The following FBXO36 variants were observed in gnomAD, a reference collection of about 807,000 sequenced individuals.
FBXO36 encodes the protein F-box protein 36.
In FBXO36, 18 loss-of-function variants were observed where a neutral mutation model predicts 17.0. The observed-to-expected ratio is 1.06, with a 90% CI of 0.73 to 1.57. The LOEUF (loss-of-function observed/expected upper bound fraction) is 1.57. Among genes scored for constraint, FBXO36 ranks in the 40% most tolerant of loss-of-function variants. The pLI is 0.00. For synonymous variants in FBXO36, 83 were observed against 85.3 expected, an observed-to-expected ratio of 0.97 and a Z score of 0.15; for missense variants, 229 against 221.9, an observed-to-expected ratio of 1.03 and a Z score of -0.20.
At chr2:229,998,618 G>T (rs1264194294) in intron 3 of FBXO36, among the ~76,000 whole-genome samples, 1 of 140,136 alleles carries the variant, frequency 7.1e-6, no homozygotes, top group African/African-American at 2.6e-5. Flanking sequence ...GCGAAACTCA[G>T]TCTCAGAAAA....
chr2:229,951,372 T>A (rs138118799), intron 1 of FBXO36, among the ~76,000 whole-genome samples: 3,615 of 152,190 alleles, frequency 0.024, 78 homozygotes, highest in Non-Finnish European at 0.039. Context: ...GCCTCCCAAG[T>A]AGCTGGGATT....
chr2:229,931,604 G>A (rs1011103631), intron 1 of FBXO36, among the ~76,000 whole-genome samples: 33 of 152,280 alleles, frequency 2.2e-4, no homozygotes, highest in Admixed American at 2.0e-3. Flanking sequence ...ATTTTAGGAG[G>A]CCAAGGCAGG....
intron 1 of FBXO36, among the ~76,000 whole-genome samples, chr2:229,971,839 T>G (rs2077181865): frequency 6.6e-6 from 1 of 151,660 alleles, no homozygotes; most frequent in South Asian, 2.1e-4. Context: ...CCAACTAATT[T>G]TTTTTGTTTT....
chr2:229,940,494 G>A (rs776991241), intron 1 of FBXO36, among the ~76,000 whole-genome samples: 2 of 152,108 alleles, frequency 1.3e-5, no homozygotes, highest in Non-Finnish European at 2.9e-5. Flanking sequence ...GTTAGGGGCC[G>A]AATTATGTCT....
chr2:229,987,440 G>T (rs1042559623), intron 2 of FBXO36, among the ~76,000 whole-genome samples: 2 of 151,898 alleles, frequency 1.3e-5, no homozygotes, highest in South Asian at 4.2e-4. Flanking sequence ...CTTGCCAGGG[G>T]TTTACTTCAT....
chr2:229,954,542 C>CTTTT (rs1176794800), intron 1 of FBXO36, among the ~76,000 whole-genome samples: 31 of 78,798 alleles, frequency 3.9e-4, no homozygotes, highest in Non-Finnish European at 5.7e-4. Flanking sequence ...TGCACCCGGC[C>CTTTT]TTTTTTTTTT....
At chr2:229,991,142 G>A (rs2077295796) in intron 2 of FBXO36, among the ~76,000 whole-genome samples, 1 of 152,072 alleles carries the variant, frequency 6.6e-6, no homozygotes. Flanking sequence ...CACCATCTTG[G>A]CCAGGCTGGT....
intron 1 of FBXO36, among the ~76,000 whole-genome samples, chr2:229,929,904 T>G (rs971188948): frequency 1.3e-5 from 2 of 152,164 alleles, no homozygotes; most frequent in Non-Finnish European, 2.9e-5. Flanking sequence ...ATCATGCCCA[T>G]TCTGCCCACT....
intron 2 of FBXO36, among the ~76,000 whole-genome samples, chr2:229,988,857 T>TA (rs2077283857): frequency 1.3e-5 from 2 of 149,838 alleles, no homozygotes; most frequent in East Asian, 1.9e-4. Flanking sequence ...TTTTTTTTTT[T>TA]ACCGCATAGT....
intron 1 of FBXO36, among the ~76,000 whole-genome samples, chr2:229,970,208 C>T (rs978466137): frequency 2.6e-5 from 4 of 152,146 alleles, no homozygotes; most frequent in African/African-American, 9.7e-5. Flanking sequence ...CGAAAACCTA[C>T]ACACAAATGT....
At chr2:229,982,901 A>AT (rs1417260464) in intron 2 of FBXO36, among the ~76,000 whole-genome samples, 1 of 152,074 alleles carries the variant, frequency 6.6e-6, no homozygotes, top group African/African-American at 2.4e-5. Context: ...GGGGACGGGC[A>AT]TTATTATGTC....
intron 3 of FBXO36, among the ~76,000 whole-genome samples, chr2:230,000,268 T>C (rs1026869988): frequency 6.7e-6 from 1 of 149,628 alleles, no homozygotes; most frequent in Non-Finnish European, 1.5e-5. Context: ...TGAGGCAGGA[T>C]TGCTGCTTGA....
At chr2:229,946,098 C>T (rs1017299397) in intron 1 of FBXO36, among the ~76,000 whole-genome samples, 6 of 151,382 alleles carry the variant, frequency 4.0e-5, no homozygotes, top group African/African-American at 7.3e-5. Flanking sequence ...CTTTGCATTG[C>T]GGCCCCAGGG....
At chr2:229,937,385 C>T (rs963208169) in intron 1 of FBXO36, among the ~76,000 whole-genome samples, 2 of 151,860 alleles carry the variant, frequency 1.3e-5, no homozygotes, top group South Asian at 2.1e-4. Context: ...ATCCCAGCTA[C>T]TCGGGAGGCT....
intron 2 of FBXO36, 54 bp downstream of exon 2, chr2:229,976,403 A>T (rs2077208717): frequency 1.6e-6 from 2 of 1,223,706 alleles, no homozygotes; most frequent in African/African-American, 3.0e-5. Flanking sequence ...AGTTAGTGGT[A>T]GATTTTGTTA....
At chr2:229,932,258 C>T (rs2076942529) in intron 1 of FBXO36, among the ~76,000 whole-genome samples, 1 of 152,064 alleles carries the variant, frequency 6.6e-6, no homozygotes, top group Non-Finnish European at 1.5e-5. Context: ...CGGTGGCTTA[C>T]GCCTGTTATC....
intron 1 of FBXO36, chr2:229,943,304 A>G (rs761143452): frequency 3.9e-5 from 6 of 152,238 alleles, no homozygotes; most frequent in Non-Finnish European, 5.9e-5. Context: ...TCAGGTTAAG[A>G]GGGTTTTCCA....
chr2:229,926,012 G>A (rs2076910091), intron 1 of FBXO36, among the ~76,000 whole-genome samples: 2 of 151,766 alleles, frequency 1.3e-5, no homozygotes, highest in African/African-American at 2.4e-5. Flanking sequence ...CTCAAGGGTT[G>A]GGCACAGTGG....
chr2:229,938,701 G>A (rs914709034), intron 1 of FBXO36, among the ~76,000 whole-genome samples: 1 of 149,642 alleles, frequency 6.7e-6, no homozygotes, highest in African/African-American at 2.5e-5. Context: ...TTGTAGAGAT[G>A]GCTCAAGCCA....
Sources: gnomAD v4.1 joint callset for allele counts (sites outside exome capture counted in the v4.1 genomes callset) on GRCh38, gnomAD v4.1.1 for gene constraint, MANE v1.5 for transcripts, NCBI Gene and HGNC (gene_info 2026-07-23, HGNC 2026-07-21) for gene names.